OSBPL11: variants seen among roughly 807,000 people sequenced by gnomAD.
OSBPL11 encodes the protein oxysterol binding protein like 11.
OSBPL11 carries 33 observed loss-of-function variants against 84.4 expected under a neutral mutation model. The observed-to-expected ratio is 0.39, with a 90% CI of 0.30 to 0.52. The LOEUF is 0.52. Among genes scored for constraint, OSBPL11 ranks in the 20% least tolerant of loss-of-function variants. OSBPL11 has a pLI of 0.72. For missense variants in OSBPL11, 736 were observed against 901.1 expected (o/e 0.82, Z 2.35); for synonymous variants, 276 against 310.2 (o/e 0.89, Z 1.16).
Position 125,582,997 on chromosome 3 carries a change from G to C in OSBPL11, c.165-19C>G, listed in dbSNP as rs374054468. The C allele has an allele frequency of 1.2e-5, 18 of 1,542,838 alleles. No homozygotes were observed. The African/African-American group carries it at 2.5e-4, about 22-fold the overall frequency. ...GTGATCACTATTTCAAAATGAAAAA[G>C]CCAAAGTTAGTAAAAATTAGAAGAA... is the stretch of plus-strand genomic sequence containing the variant. On this transcript the variant is annotated intron_variant, in intron 1 of 12. Transcript: ENST00000296220.
intron 1 of OSBPL11, among the ~76,000 whole-genome samples, chr3:125,584,548 C>CTT (rs1343383222): frequency 6.6e-6 from 1 of 152,120 alleles, no homozygotes; most frequent in East Asian, 1.9e-4. Context: ...GGGAACTACT[C>CTT]TTTAATCTAG....
At chr3:125,585,366 C>A (rs970767599) in intron 1 of OSBPL11, among the ~76,000 whole-genome samples, 1 of 152,008 alleles carries the variant, frequency 6.6e-6, no homozygotes, top group Non-Finnish European at 1.5e-5. Flanking sequence ...AAACTCCTAG[C>A]CTCAAGTGAT....
intron 6 of OSBPL11, among the ~76,000 whole-genome samples, chr3:125,566,351 G>A (rs2107602293): frequency 6.6e-6 from 1 of 152,118 alleles, no homozygotes; most frequent in East Asian, 1.9e-4. Flanking sequence ...TCTTCCCTAA[G>A]TGGACTATGA....
chr3:125,546,243 G>C (rs1342140862), intron 10 of OSBPL11, among the ~76,000 whole-genome samples: 2 of 149,224 alleles, frequency 1.3e-5, no homozygotes, highest in African/African-American at 5.0e-5. Flanking sequence ...GCACAATCAC[G>C]GCTCATTGCA....
Position 125,579,960 on chromosome 3 carries a change from G to A in OSBPL11, c.314C>T (p.Thr105Ile). The A allele has an allele frequency of 1.2e-6, 2 of 1,614,158 alleles. No individual in the cohort carries two copies. Among genetic ancestry groups the A allele is most frequent in the Non-Finnish European group, 1.7e-6 (2 of 1,179,998 alleles). Residue 105 changes from threonine (T) to isoleucine (I), a missense_variant, in exon 3 of 13, where the codon ACT becomes ATT. Around this residue, in one of 3 missense-constraint regions of OSBPL11, gnomAD observed 43 missense variants for 78.7 expected, o/e 0.55. Coordinates refer to ENST00000296220, the MANE Select transcript of OSBPL11 (RefSeq NM_022776.5). ...TATTACAGCTCCTGCAAGCTGCAAAGTTCCTCTAGGTTTCTGATTTCTAGA... is the reference window on the plus strand; with the variant it reads ...TATTACAGCTCCTGCAAGCTGCAAAATTCCTCTAGGTTTCTGATTTCTAGA... The part of the protein sequence containing the change: ...EQSRNQKPRG[T>I]LQLAGAVISP...
At chr3:125,563,948 A>G (rs1468972607) in intron 6 of OSBPL11, 105 bp from the exon 7 acceptor site, 6 of 1,300,810 alleles carry the variant, frequency 4.6e-6, no homozygotes, top group Non-Finnish European at 6.4e-6. Context: ...GCCTAAAAGC[A>G]ATTAAACCTG....
At chr3:125,589,927 A>C (rs879494486) in intron 1 of OSBPL11, among the ~76,000 whole-genome samples, 5 of 152,216 alleles carry the variant, frequency 3.3e-5, no homozygotes, top group Admixed American at 6.5e-5. Flanking sequence ...AGGAGCTCAA[A>C]ATTTTAAAAA....
chr3:125,579,266 G>A (rs1936384674), intron 3 of OSBPL11, among the ~76,000 whole-genome samples: 1 of 152,162 alleles, frequency 6.6e-6, no homozygotes, highest in African/African-American at 2.4e-5. Flanking sequence ...TACATGCAGT[G>A]AGGTGAGGAT....
At chr3:125,556,242 T>C (rs998858494) in intron 8 of OSBPL11, among the ~76,000 whole-genome samples, 5 of 152,222 alleles carry the variant, frequency 3.3e-5, no homozygotes, top group African/African-American at 1.2e-4. Flanking sequence ...GTCATCCACA[T>C]GCTTCATGCT....
intron 2 of OSBPL11, among the ~76,000 whole-genome samples, chr3:125,580,484 A>T (rs996928536): frequency 7.2e-6 from 1 of 139,602 alleles, no homozygotes; most frequent in Admixed American, 7.8e-5. Context: ...ACTGCACTCC[A>T]GCCTGGGCAA....
intron 6 of OSBPL11, 146 bp from the exon 7 acceptor site, chr3:125,563,989 T>A: frequency 1.3e-6 from 1 of 778,292 alleles, no homozygotes; most frequent in Non-Finnish European, 2.0e-6. Flanking sequence ...GCCACTTATA[T>A]CTCATTAGCA....
intron 11 of OSBPL11, among the ~76,000 whole-genome samples, chr3:125,536,113 T>G (rs1935636820): frequency 7.5e-6 from 1 of 134,032 alleles, no homozygotes; most frequent in African/African-American, 3.3e-5. Context: ...CCAACTTAGG[T>G]GACAGAGTGA....
intron 11 of OSBPL11, among the ~76,000 whole-genome samples, chr3:125,534,575 G>A (rs566674870): frequency 6.7e-5 from 10 of 150,092 alleles, no homozygotes; most frequent in African/African-American, 2.4e-4. Flanking sequence ...TTGTAAATAA[G>A]TTCATGAGTT....
chr3:125,560,324 C>A, intron 8 of OSBPL11, 55 bp downstream of exon 8: 1 of 1,325,498 alleles, frequency 7.5e-7, no homozygotes, highest in Non-Finnish European at 9.8e-7. Flanking sequence ...TAAACATGAA[C>A]AATTACTGGT....
intron 10 of OSBPL11, among the ~76,000 whole-genome samples, chr3:125,540,033 G>A (rs1027106465): frequency 2.6e-5 from 4 of 152,272 alleles, no homozygotes; most frequent in Admixed American, 1.3e-4. Flanking sequence ...GTTTTGCAGC[G>A]AGTGGTCTGC....
rs1935677698 is a variant in OSBPL11, at chr3:125,538,594, C to T, written c.1881G>A (p.Val627=). The change falls in exon 11 of 13, where the codon GTG becomes GTA. Residue 627 remains valine, a synonymous_variant. Transcript: ENST00000296220. The part of the protein sequence containing the change: ...AEVKHNITNT[V]VCRVQGEWNS... ...TCCATTCCCCTTGCACTCTGCATAC[C>T]ACAGTGTTGGTGATGTTGTGCTTTA... The T allele has an allele frequency of 6.2e-7, 1 of 1,612,800 alleles. No homozygotes were observed. Among genetic ancestry groups the T allele is most frequent in the Non-Finnish European group, 8.5e-7 (1 of 1,179,594 alleles).
chr3:125,571,106 T>C (rs1463161485), intron 5 of OSBPL11, among the ~76,000 whole-genome samples: 2 of 152,134 alleles, frequency 1.3e-5, no homozygotes, highest in African/African-American at 4.8e-5. Flanking sequence ...TCAGATGGAA[T>C]TGAGGAACTT....
chr3:125,579,560 G>C lies in OSBPL11; in HGVS notation c.409+305C>G, dbSNP rs577307176. Among the ~76,000 whole-genome samples the C allele has an allele frequency of 3.3e-5, 5 of 152,182 alleles. No homozygotes were observed. The East Asian group carries it at 9.6e-4, about 29-fold the overall frequency. On this transcript the variant is annotated intron_variant, in intron 3 of 12. Coordinates refer to ENST00000296220, the MANE Select transcript of OSBPL11 (RefSeq NM_022776.5). ...GGCACGTAAACTAAACCAAGTAAAG[G>C]GGTGAAATACATAAAAAATATCATT...
chr3:125,564,422 G>T (rs1396701396), intron 6 of OSBPL11, among the ~76,000 whole-genome samples: 1 of 152,132 alleles, frequency 6.6e-6, no homozygotes, highest in African/African-American at 2.4e-5. Flanking sequence ...AACTGACCCA[G>T]TGAAGACAGT....
Sources: gnomAD v4.1 joint callset for allele counts (sites outside exome capture counted in the v4.1 genomes callset) on GRCh38, gnomAD v4.1.1 for gene constraint, gnomAD v4.1.1 regional missense constraint, MANE v1.5 for transcripts, NCBI Gene and HGNC (gene_info 2026-07-23, HGNC 2026-07-21) for gene names.